Variants in ANO4 observed in about 807,000 individuals in gnomAD.
ANO4 encodes anoctamin 4, also known as anoctamin-4.
In ANO4, 69 loss-of-function variants were observed where a neutral mutation model predicts 141.9. The observed-to-expected ratio is 0.49, with a 90% confidence interval of 0.40 to 0.59. ANO4 has a LOEUF of 0.59. Among genes scored for constraint, ANO4 ranks in the 20% least tolerant of loss-of-function variants. The pLI, the probability that ANO4 is intolerant of heterozygous loss-of-function variation, is 0.00. For synonymous variants in ANO4, 350 were observed against 394.3 expected (o/e 0.89, Z 1.33); for missense variants, 894 against 1,162.2 (o/e 0.77, Z 3.36).
intron 13 of ANO4, among the ~76,000 whole-genome samples, chr12:101,047,666 C>G (rs2047686150): frequency 6.6e-6 from 1 of 152,094 alleles, no homozygotes; most frequent in African/African-American, 2.4e-5. Context: ...CAGGAATGAG[C>G]TTGGCAGTTT....
At chr12:100,733,386 T>C (rs2136818854) in intron 1 of ANO4, among the ~76,000 whole-genome samples, 1 of 152,266 alleles carries the variant, frequency 6.6e-6, no homozygotes, top group African/African-American at 2.4e-5. Context: ...CTTTTAGGTT[T>C]TCATTAGGAT....
intron 1 of ANO4, among the ~76,000 whole-genome samples, chr12:100,893,240 AT>A (rs546979598): frequency 1.9e-3 from 270 of 143,350 alleles, no homozygotes; most frequent in East Asian, 4.8e-3. Flanking sequence ...AAGAAGGAGG[AT>A]TTTTTTTTTT....
chr12:100,814,371 T>C (rs1245642706), intron 1 of ANO4, among the ~76,000 whole-genome samples: 3 of 152,198 alleles, frequency 2.0e-5, no homozygotes, highest in Non-Finnish European at 4.4e-5. Context: ...CATGCCCATT[T>C]ACGTGAATGT....
chr12:100,988,548 A>T (rs1490775107), intron 8 of ANO4, among the ~76,000 whole-genome samples: 3 of 108,150 alleles, frequency 2.8e-5, no homozygotes, highest in Non-Finnish European at 6.2e-5. Flanking sequence ...TGGATTTAAA[A>T]AAAAAAAAAA....
chr12:100,842,814 G>A (rs1368110838), intron 1 of ANO4, among the ~76,000 whole-genome samples: 1 of 152,080 alleles, frequency 6.6e-6, no homozygotes, highest in East Asian at 1.9e-4. Flanking sequence ...CCATCCAAAA[G>A]AGTAGAGCCC....
At chr12:100,988,924 C>T (rs1408205613) in intron 8 of ANO4, among the ~76,000 whole-genome samples, 1 of 150,236 alleles carries the variant, frequency 6.7e-6, no homozygotes, top group East Asian at 1.9e-4. Flanking sequence ...AGCCAAATGG[C>T]AGTTTTCAAG....
intron 3 of ANO4, among the ~76,000 whole-genome samples, chr12:100,924,555 T>C (rs2041781745): frequency 6.6e-6 from 1 of 152,160 alleles, no homozygotes; most frequent in Non-Finnish European, 1.5e-5. Flanking sequence ...GGATCAGCTA[T>C]TTATTCCGGT....
chr12:100,987,453 T>C, intron 7 of ANO4, 86 bp from the exon 8 acceptor site: 1 of 1,514,708 alleles, frequency 6.6e-7, no homozygotes, highest in Non-Finnish European at 9.0e-7. Flanking sequence ...GGTATGATAG[T>C]TGTGGCTCTG....
intron 24 of ANO4, among the ~76,000 whole-genome samples, chr12:101,112,219 A>G (rs2050690788): frequency 6.6e-6 from 1 of 152,168 alleles, no homozygotes; most frequent in South Asian, 2.1e-4. Context: ...TCGTGGAATA[A>G]GTAAGTGAAT....
At chr12:101,056,165 C>A (rs1386750515) in intron 14 of ANO4, among the ~76,000 whole-genome samples, 4 of 151,898 alleles carry the variant, frequency 2.6e-5, no homozygotes, top group Non-Finnish European at 5.9e-5. Context: ...TAAATTTCTT[C>A]AAAAAAAGTG....
chr12:100,742,869 A>G (rs531942754), intron 3 of ANO4, among the ~76,000 whole-genome samples: 1 of 152,244 alleles, frequency 6.6e-6, no homozygotes, highest in East Asian at 1.9e-4. Context: ...CTTGTATTAG[A>G]CTTTACTTAA....
In ANO4 at chr12:100,775,284, G is replaced by A. The variant is rs56846037; in HGVS notation, c.358+35179G>A. Among the ~76,000 whole-genome samples, 780 of 152,200 alleles carry A rather than the reference G, an allele frequency of 5.1e-3. 6 individuals carry two copies. The highest frequency in any genetic ancestry group is 0.018 in the African/African-American group (737 of 41,502). On this transcript the variant is annotated intron_variant, in intron 3 of 29. Coordinates refer to the ANO4 transcript ENST00000644049. ...TAGAAGTGTACCTCCTTGAAAATAC[G>A]TTCGTTAAAAATGACATATAGAGCA...
At chr12:100,746,380 C>T (rs1399213164) in intron 3 of ANO4, among the ~76,000 whole-genome samples, 1 of 150,360 alleles carries the variant, frequency 6.7e-6, no homozygotes, top group Non-Finnish European at 1.5e-5. Flanking sequence ...TTGAACCCGG[C>T]AGGCGGAGGC....
At chr12:100,940,930 G>A (rs2042484626) in intron 4 of ANO4, among the ~76,000 whole-genome samples, 1 of 152,002 alleles carries the variant, frequency 6.6e-6, no homozygotes. Flanking sequence ...TAATATTACT[G>A]CAAAATAATA....
At chr12:101,102,411 T>G (rs924599778) in intron 22 of ANO4, among the ~76,000 whole-genome samples, 1 of 152,180 alleles carries the variant, frequency 6.6e-6, no homozygotes, top group Non-Finnish European at 1.5e-5. Context: ...CCATTTGGGT[T>G]GGTATGCAGC....
chr12:100,945,886 C>A (rs2042701255), intron 5 of ANO4, among the ~76,000 whole-genome samples: 1 of 151,966 alleles, frequency 6.6e-6, no homozygotes, highest in Non-Finnish European at 1.5e-5. Context: ...GCTTTAAGGA[C>A]TAGGATCTCA....
At chr12:100,917,435 A>T (rs560422250) in intron 2 of ANO4, among the ~76,000 whole-genome samples, 13 of 152,344 alleles carry the variant, frequency 8.5e-5, no homozygotes, top group Non-Finnish European at 1.6e-4. Context: ...AAGAACTCAG[A>T]TTCTTAGGTT....
At chr12:100,978,136 C>G (rs1421032912) in intron 7 of ANO4, among the ~76,000 whole-genome samples, 1 of 152,192 alleles carries the variant, frequency 6.6e-6, no homozygotes, top group Non-Finnish European at 1.5e-5. Context: ...TAGCTCTCTA[C>G]CTGGGTGGTA....
intron 25 of ANO4, among the ~76,000 whole-genome samples, chr12:101,120,108 T>TGTG (rs879434479): frequency 1.6e-3 from 249 of 152,346 alleles, no homozygotes; most frequent in Non-Finnish European, 2.7e-3. Flanking sequence ...ATGCTGCCTC[T>TGTG]CTGCTGTCTC....
Sources: gnomAD v4.1 joint callset for allele counts (sites outside exome capture counted in the v4.1 genomes callset) on GRCh38, gnomAD v4.1.1 for gene constraint, MANE v1.5 for transcripts, NCBI Gene and HGNC (gene_info 2026-07-23, HGNC 2026-07-21) for gene names.